Variants in PDZRN3 observed in about 807,000 individuals in gnomAD.
PDZRN3 encodes the protein E3 ubiquitin-protein ligase PDZRN3.
A neutral mutation model predicts 85.7 loss-of-function variants in PDZRN3; 38 were observed. That is an observed-to-expected ratio of 0.44 (90% CI 0.34 to 0.58). The LOEUF is 0.58. Ranked by LOEUF, PDZRN3 falls within the 20% of genes least tolerant of loss-of-function variation. The probability of loss-of-function intolerance (pLI) is 0.01; values close to 1 mark genes in which losing one functional copy is unlikely to be tolerated. For synonymous variants in PDZRN3, 759 were observed against 638.0 expected (o/e 1.19, Z -2.86); for missense variants, 1,629 against 1,506.4 (o/e 1.08, Z -1.35).
At chr3:73,587,457 G>A (rs1318517340) in intron 3 of PDZRN3, among the ~76,000 whole-genome samples, 2 of 152,190 alleles carry the variant, frequency 1.3e-5, no homozygotes, top group African/African-American at 4.8e-5. Context: ...TAGGCCGCAC[G>A]ACGGACAAAT....
intron 3 of PDZRN3, among the ~76,000 whole-genome samples, chr3:73,590,574 A>C (rs1702343748): frequency 6.6e-6 from 1 of 152,170 alleles, no homozygotes; most frequent in South Asian, 2.1e-4. Flanking sequence ...TCTAAAAAGA[A>C]AGTAGTTCTT....
intron 3 of PDZRN3, among the ~76,000 whole-genome samples, chr3:73,417,950 G>A (rs750864206): frequency 6.6e-6 from 1 of 152,130 alleles, no homozygotes; most frequent in African/African-American, 2.4e-5. Context: ...AGACATCTAC[G>A]GTGGAAGACA....
At chr3:73,583,819 C>T (rs748321034) in intron 3 of PDZRN3, among the ~76,000 whole-genome samples, 1 of 152,118 alleles carries the variant, frequency 6.6e-6, no homozygotes, top group Non-Finnish European at 1.5e-5. Flanking sequence ...CACAGGAATG[C>T]CATGACCAGC....
intron 8 of PDZRN3, among the ~76,000 whole-genome samples, chr3:73,386,764 G>A (rs1701399094): frequency 6.6e-6 from 1 of 152,238 alleles, no homozygotes; most frequent in Non-Finnish European, 1.5e-5. Flanking sequence ...GAAAAAGTCT[G>A]TGACTGTGGG....
At chr3:73,527,984 T>C (rs936694919) in intron 3 of PDZRN3, among the ~76,000 whole-genome samples, 1 of 152,230 alleles carries the variant, frequency 6.6e-6, no homozygotes, top group Non-Finnish European at 1.5e-5. Flanking sequence ...TGTGCTGGCA[T>C]AGCCAAAAGC....
chr3:73,392,386 G>T (rs776995747), intron 5 of PDZRN3, among the ~76,000 whole-genome samples: 5 of 152,246 alleles, frequency 3.3e-5, no homozygotes, highest in Non-Finnish European at 5.9e-5. Context: ...TCAGCAGTCT[G>T]TCTTGCTGAT....
intron 3 of PDZRN3, among the ~76,000 whole-genome samples, chr3:73,472,816 T>C (rs1243571667): frequency 6.6e-6 from 1 of 152,200 alleles, no homozygotes; most frequent in Non-Finnish European, 1.5e-5. Flanking sequence ...AGCAAGTAAA[T>C]TGTCAAAAAC....
chr3:73,473,615 T>C (rs76096373), intron 3 of PDZRN3, among the ~76,000 whole-genome samples: 2,936 of 152,298 alleles, frequency 0.019, 92 homozygotes, highest in African/African-American at 0.066. Flanking sequence ...AGCACTTTCA[T>C]TGAAATTCAA....
chr3:73,447,041 C>CTATATATATATATA (rs148063336), intron 3 of PDZRN3, among the ~76,000 whole-genome samples: 2 of 140,984 alleles, frequency 1.4e-5, no homozygotes, highest in Non-Finnish European at 1.5e-5. Flanking sequence ...AACCTCTTGA[C>CTATATATATATATA]TATATATATA....
At chr3:73,572,729 G>A (rs766162051) in intron 3 of PDZRN3, among the ~76,000 whole-genome samples, 4 of 152,296 alleles carry the variant, frequency 2.6e-5, no homozygotes, top group Non-Finnish European at 4.4e-5. Context: ...ATTACATCAA[G>A]CCAAGAGGGA....
At chr3:73,576,404 G>A (rs901942378) in intron 3 of PDZRN3, among the ~76,000 whole-genome samples, 1 of 152,106 alleles carries the variant, frequency 6.6e-6, no homozygotes, top group Non-Finnish European at 1.5e-5. Flanking sequence ...ATCAATCTAC[G>A]AGTCAAGACA....
At chr3:73,413,639 G>A (rs993647538) in intron 3 of PDZRN3, among the ~76,000 whole-genome samples, 3 of 152,136 alleles carry the variant, frequency 2.0e-5, no homozygotes, top group African/African-American at 7.2e-5. Context: ...CAGCACAGCC[G>A]GCAGTGCTGT....
chr3:73,512,898 A>C (rs1431809689), intron 3 of PDZRN3, among the ~76,000 whole-genome samples: 1 of 152,168 alleles, frequency 6.6e-6, no homozygotes, highest in African/African-American at 2.4e-5. Context: ...ATTTCTGTAC[A>C]TTTTTAGTAT....
chr3:73,583,408 C>T (rs972032918), intron 3 of PDZRN3, among the ~76,000 whole-genome samples: 12 of 152,116 alleles, frequency 7.9e-5, no homozygotes, highest in South Asian at 2.1e-4. Context: ...AACTATATGG[C>T]GAAAATAGCC....
chr3:73,521,367 A>T (rs1704360574), intron 3 of PDZRN3, among the ~76,000 whole-genome samples: 1 of 152,102 alleles, frequency 6.6e-6, no homozygotes, highest in Admixed American at 6.5e-5. Flanking sequence ...GAGGATCAAA[A>T]TGTGCATTTG....
chr3:73,534,720 C>T (rs1308592353), intron 3 of PDZRN3, among the ~76,000 whole-genome samples: 1 of 152,230 alleles, frequency 6.6e-6, no homozygotes, highest in Non-Finnish European at 1.5e-5. Flanking sequence ...ATTTCCTATT[C>T]TTCTCTTCAT....
At chr3:73,444,130 C>T (rs1234934598) in intron 3 of PDZRN3, among the ~76,000 whole-genome samples, 1 of 152,142 alleles carries the variant, frequency 6.6e-6, no homozygotes, top group African/African-American at 2.4e-5. Flanking sequence ...ACTGACATCC[C>T]TAATCCTTTC....
Position 73,624,499 on chromosome 3 carries a change from G to A in PDZRN3, c.327C>T (p.Pro109=), listed in dbSNP as rs968023950. 2 of 1,425,580 alleles carry A rather than the reference G, an allele frequency of 1.4e-6. No homozygotes were observed. Among genetic ancestry groups the A allele is most frequent in the Non-Finnish European group, 1.8e-6 (2 of 1,097,010 alleles). The allele number at this position is 1,425,580 out of a possible 1,614,324, so 88.3% of individuals were successfully genotyped here. A position where few individuals can be genotyped will look rare whatever the true frequency, so the allele number is the denominator to read the frequency against. Residue 109 remains proline, a synonymous_variant, in exon 1 of 10, where the codon CCC becomes CCT. Coordinates refer to ENST00000263666, the MANE Select transcript of PDZRN3 (RefSeq NM_015009.3). ...CGCAACCCGCGTGGCGACAGCGCGC[G>A]GGCGCGAAGTCGCAGCGCTCGAGGT... is the stretch of plus-strand genomic sequence containing the variant. ...PEHLERCDFA[P]ARCRHAGCGQ... is the part of the protein sequence containing the mutation.
At chr3:73,604,729 T>C (rs1215465671) in intron 2 of PDZRN3, among the ~76,000 whole-genome samples, 1 of 152,232 alleles carries the variant, frequency 6.6e-6, no homozygotes, top group Admixed American at 6.5e-5. Flanking sequence ...TTGCATTTCT[T>C]GGCTGGAGAG....
Sources: allele counts gnomAD v4.1 joint callset (sites outside exome capture counted in the v4.1 genomes callset), GRCh38; gene constraint gnomAD v4.1.1; transcripts MANE v1.5; gene names NCBI Gene and HGNC (gene_info 2026-07-23, HGNC 2026-07-21).